The following EPB41L4B variants were observed in gnomAD, a reference collection of about 807,000 sequenced individuals.
EPB41L4B encodes the protein erythrocyte membrane protein band 4.1 like 4B.
In EPB41L4B, 30 loss-of-function variants were observed where a neutral mutation model predicts 112.5. The ratio of observed to expected loss-of-function variants is 0.27; its 90% CI spans 0.20 to 0.36. The LOEUF is 0.36. EPB41L4B is among the 10% of genes least tolerant of loss of function. The probability of loss-of-function intolerance (pLI) is 1.00; values close to 1 mark genes in which losing one functional copy is unlikely to be tolerated. For missense variants in EPB41L4B, 1,024 were observed against 1,133.3 expected (o/e 0.90, Z 1.38); for synonymous variants, 408 against 439.7 (o/e 0.93, Z 0.90).
At chr9:109,222,458 C>T (rs143023952) in intron 15 of EPB41L4B, among the ~76,000 whole-genome samples, 4 of 152,158 alleles carry the variant, frequency 2.6e-5, no homozygotes, top group Non-Finnish European at 4.4e-5. Context: ...TGCCACTCAC[C>T]GACTACAATG....
At chr9:109,227,052 C>G (rs1276714827) in intron 15 of EPB41L4B, among the ~76,000 whole-genome samples, 1 of 151,776 alleles carries the variant, frequency 6.6e-6, no homozygotes, top group Non-Finnish European at 1.5e-5. Context: ...GTTGCCCAGG[C>G]TGGTCTCAGA....
intron 1 of EPB41L4B, among the ~76,000 whole-genome samples, chr9:109,294,581 A>T (rs1053630150): frequency 2.0e-5 from 3 of 151,924 alleles, no homozygotes; most frequent in Non-Finnish European, 4.4e-5. Flanking sequence ...CCATGATCAC[A>T]TCACTGCATT....
chr9:109,209,809 T>C (rs1289027854), intron 17 of EPB41L4B, among the ~76,000 whole-genome samples: 1 of 152,098 alleles, frequency 6.6e-6, no homozygotes. Context: ...ACTATCATTA[T>C]CCCCAGTTTA....
intron 15 of EPB41L4B, among the ~76,000 whole-genome samples, chr9:109,228,916 C>T (rs1285122518): frequency 6.6e-6 from 1 of 152,076 alleles, no homozygotes; most frequent in Non-Finnish European, 1.5e-5. Context: ...AATTCACAGC[C>T]CATGTAAAAA....
At chr9:109,255,343 C>T (rs1207568624) in intron 11 of EPB41L4B, among the ~76,000 whole-genome samples, 168 bp downstream of exon 11, 1 of 152,166 alleles carries the variant, frequency 6.6e-6, no homozygotes, top group Non-Finnish European at 1.5e-5. Context: ...TATCAATGAC[C>T]AGGTGGGGGT....
intron 19 of EPB41L4B, among the ~76,000 whole-genome samples, chr9:109,201,885 G>A (rs76348906): frequency 3.7e-5 from 2 of 54,302 alleles, no homozygotes; most frequent in African/African-American, 9.0e-5. Flanking sequence ...AGGCAAAGGA[G>A]TGGCATAGTC....
intron 17 of EPB41L4B, among the ~76,000 whole-genome samples, chr9:109,210,724 T>C (rs1366839049): frequency 6.6e-6 from 1 of 152,210 alleles, no homozygotes; most frequent in Non-Finnish European, 1.5e-5. Context: ...ATAAAAGATA[T>C]CTCTGTGGCA....
In EPB41L4B at chr9:109,264,972, A is replaced by G; in HGVS notation, c.578+8T>C. The G allele has an allele frequency of 6.2e-7, 1 of 1,604,146 alleles. No homozygotes were observed. Among genetic ancestry groups the G allele is most frequent in the Non-Finnish European group, 8.5e-7 (1 of 1,177,106 alleles). ...CTGGGTTAAGAGTTAGAACAAAAAC[A>G]TACTTACTTTCCAGAAAGAATGTCA... On this transcript the variant is annotated splice_region_variant and intron_variant, in intron 5 of 25. Transcript: ENST00000374566.
At chr9:109,291,336 A>G (rs1197858971) in intron 1 of EPB41L4B, among the ~76,000 whole-genome samples, 7 of 151,984 alleles carry the variant, frequency 4.6e-5, no homozygotes, top group Non-Finnish European at 1.0e-4. Flanking sequence ...CTGAAAGCCT[A>G]CTCCACGCAT....
intron 2 of EPB41L4B, among the ~76,000 whole-genome samples, chr9:109,270,869 G>T (rs897908180): frequency 1.3e-5 from 2 of 152,112 alleles, no homozygotes; most frequent in African/African-American, 4.8e-5. Context: ...GAGGAACTTC[G>T]AAAAAGTCAA....
At chr9:109,291,237 G>A (rs1330264990) in intron 1 of EPB41L4B, among the ~76,000 whole-genome samples, 2 of 152,108 alleles carry the variant, frequency 1.3e-5, no homozygotes, top group East Asian at 1.9e-4. Flanking sequence ...TACCTCTCTA[G>A]CCATCTCATT....
At chr9:109,300,565 C>G (rs974165624) in intron 1 of EPB41L4B, 1 of 152,078 alleles carries the variant, frequency 6.6e-6, no homozygotes, top group African/African-American at 2.4e-5. Context: ...GTAGGCAGAC[C>G]ACTTGTGTTC....
chr9:109,280,704 T>C (rs969819470), intron 1 of EPB41L4B, among the ~76,000 whole-genome samples: 1 of 151,980 alleles, frequency 6.6e-6, no homozygotes, highest in South Asian at 2.1e-4. Context: ...GGCTTCTTAA[T>C]AGTCACCCAA....
chr9:109,273,141 C>T (rs117653192), intron 2 of EPB41L4B, among the ~76,000 whole-genome samples: 3,902 of 152,260 alleles, frequency 0.026, 86 homozygotes, highest in Admixed American at 0.036. Context: ...GTAGAGACCC[C>T]TTTAGCAGCT....
chr9:109,302,680 C>T (rs775107066), intron 1 of EPB41L4B, among the ~76,000 whole-genome samples: 156 of 152,050 alleles, frequency 1.0e-3, no homozygotes, highest in Admixed American at 2.5e-3. Context: ...GAAGATCCAA[C>T]GTTCTCCACA....
intron 21 of EPB41L4B, 63 bp downstream of exon 21, chr9:109,194,157 G>A (rs1003529283): frequency 2.8e-5 from 43 of 1,560,152 alleles, no homozygotes; most frequent in Non-Finnish European, 3.1e-5. Context: ...ATGCTACTCA[G>A]TAAATTGATA....
At chr9:109,176,000 C>T (rs1831811537) in intron 25 of EPB41L4B, among the ~76,000 whole-genome samples, 1 of 137,796 alleles carries the variant, frequency 7.3e-6, no homozygotes, top group South Asian at 2.3e-4. Flanking sequence ...TACCTTATTG[C>T]CATTCACAAT....
At chr9:109,204,519 G>C (rs1261503170) in intron 18 of EPB41L4B, among the ~76,000 whole-genome samples, 1 of 152,148 alleles carries the variant, frequency 6.6e-6, no homozygotes, top group African/African-American at 2.4e-5. Context: ...TTGAGAGAGG[G>C]TCTGTTCTGT....
chr9:109,194,510 C>G, intron 20 of EPB41L4B, 113 bp from the exon 21 acceptor site: 1 of 1,144,588 alleles, frequency 8.7e-7, no homozygotes, highest in Non-Finnish European at 1.2e-6. Flanking sequence ...ATTGGGGGTT[C>G]CCAAACAGAT....
Sources: allele counts gnomAD v4.1 joint callset (sites outside exome capture counted in the v4.1 genomes callset), GRCh38; gene constraint gnomAD v4.1.1; transcripts MANE v1.5; gene names NCBI Gene and HGNC (gene_info 2026-07-23, HGNC 2026-07-21).